Variants in MYPOP observed in about 807,000 individuals in gnomAD.
MYPOP encodes Myb related transcription factor, partner of profilin, also known as myb-related transcription factor, partner of profilin.
In MYPOP, 21 loss-of-function variants were observed where a neutral mutation model predicts 25.7. The ratio of observed to expected loss-of-function variants is 0.82; its 90% CI spans 0.58 to 1.18. MYPOP has a LOEUF of 1.18. Ranked by LOEUF, MYPOP falls within the 50% of genes most tolerant of loss-of-function variation. The probability of loss-of-function intolerance (pLI) is 0.00; values close to 1 mark genes in which losing one functional copy is unlikely to be tolerated. For synonymous variants in MYPOP, 280 were observed against 247.9 expected (o/e 1.13, Z -1.22); for missense variants, 566 against 588.3 (o/e 0.96, Z 0.39).
Position 45,890,592 on chromosome 19 carries a change from G to C in MYPOP, c.*31C>G. The C allele has an allele frequency of 1.2e-6, 2 of 1,608,308 alleles. No homozygotes were observed. The highest frequency in any genetic ancestry group is 1.7e-6 in the Non-Finnish European group (2 of 1,176,796). Reference sequence around the variant, plus strand: ...CTCGACTGCGCCAAGCTGGGGAGAGGGGTTGCAGGCAGGATCATAGATAGT... The same window carrying C: ...CTCGACTGCGCCAAGCTGGGGAGAGCGGTTGCAGGCAGGATCATAGATAGT... On this transcript the variant is annotated 3_prime_UTR_variant, in exon 3 of 3. Coordinates refer to ENST00000322217, the MANE Select transcript of MYPOP (RefSeq NM_001012643.4).
At chr19:45,896,367 C>A (rs2146378953) in intron 2 of MYPOP, among the ~76,000 whole-genome samples, 1 of 152,268 alleles carries the variant, frequency 6.6e-6, no homozygotes, top group Non-Finnish European at 1.5e-5. Flanking sequence ...GGCCAGCCAC[C>A]AGCAGGAGGT....
At chr19:45,896,180 A>G (rs1216839728) in intron 2 of MYPOP, among the ~76,000 whole-genome samples, 1 of 152,076 alleles carries the variant, frequency 6.6e-6, no homozygotes, top group Non-Finnish European at 1.5e-5. Flanking sequence ...GATCCCAGCT[A>G]CTTGGGAGGC....
In MYPOP at chr19:45,897,626, G is replaced by A. The variant is rs528009843; in HGVS notation, c.499+3649C>T. Among the ~76,000 whole-genome samples, 3 of 152,192 alleles carry A rather than the reference G, an allele frequency of 2.0e-5. No homozygotes were observed. The East Asian group carries it at 5.8e-4, about 29-fold the overall frequency. ...GTTGGAGTGTAGTGGTGCGATCATG[G>A]CTCACTGCAACCTCCGCCTCCCAGG... is the stretch of plus-strand genomic sequence containing the variant. On this transcript the variant is annotated intron_variant, in intron 2 of 2. Transcript: ENST00000322217.
Position 45,901,266 on chromosome 19 carries a change from G to A in MYPOP, c.499+9C>T, listed in dbSNP as rs1238765605. On this transcript the variant is annotated intron_variant, in intron 2 of 2. Coordinates refer to ENST00000322217, the MANE Select transcript of MYPOP (RefSeq NM_001012643.4). This position sits in a 1 kb window ranked among gnomAD's most constrained non-coding sequence, Gnocchi z 5.7. ...GCGCAGGCACACAGCCTACTCTGAAGACACTCACCTGCACGTCGGTCCTCC... is the reference window on the plus strand; with the variant it reads ...GCGCAGGCACACAGCCTACTCTGAAAACACTCACCTGCACGTCGGTCCTCC... 2 of 1,441,314 alleles carry A rather than the reference G, an allele frequency of 1.4e-6. No homozygotes were observed. Among genetic ancestry groups the A allele is most frequent in the Non-Finnish European group, 1.8e-6 (2 of 1,097,790 alleles). 89.3% of individuals were successfully genotyped at this position (1,441,314 alleles called of 1,614,324 possible).
In MYPOP at chr19:45,890,447, G is replaced by T; in HGVS notation, c.*176C>A. On this transcript the variant is annotated 3_prime_UTR_variant, in exon 3 of 3. Transcript: ENST00000322217. ...ACTGTACCAGAGAAAGGGGTTGGGG[G>T]GGCCCATTACTGAGGCCCCCCCCAG... 9.7e-7 allele frequency: 1 copy of T among 1,025,834 alleles called. No individual in the cohort carries two copies. 63.5% of individuals were successfully genotyped at this position (1,025,834 alleles called of 1,614,324 possible). A position where few individuals can be genotyped will look rare whatever the true frequency, so the allele number is the denominator to read the frequency against.
chr19:45,900,009 C>T (rs894993651), intron 2 of MYPOP, among the ~76,000 whole-genome samples: 2 of 152,194 alleles, frequency 1.3e-5, no homozygotes, highest in Admixed American at 6.6e-5. Flanking sequence ...GGGGGTTGGA[C>T]GCACACTTAT....
chr19:45,899,188 T>C (rs1967252308), intron 2 of MYPOP, among the ~76,000 whole-genome samples: 1 of 152,162 alleles, frequency 6.6e-6, no homozygotes. Context: ...ATTGCGCCAT[T>C]TCACTCTAGC....
Position 45,890,551 on chromosome 19 carries a change from A to G in MYPOP, c.*72T>C. ...GAGCTAGGGTGCAGCTGGGATGGGCAGAGAGCATCGCCCCCCTCGACTGCG... is the reference window on the plus strand; with the variant it reads ...GAGCTAGGGTGCAGCTGGGATGGGCGGAGAGCATCGCCCCCCTCGACTGCG... On this transcript the variant is annotated 3_prime_UTR_variant, in exon 3 of 3. Coordinates refer to ENST00000322217, the MANE Select transcript of MYPOP (RefSeq NM_001012643.4). 6.4e-7 allele frequency: 1 copy of G among 1,573,470 alleles called. No homozygotes were observed. The highest frequency in any genetic ancestry group is 1.2e-5 in the South Asian group (1 of 86,000).
At chr19:45,895,528 C>T (rs1967190626) in intron 2 of MYPOP, among the ~76,000 whole-genome samples, 2 of 152,168 alleles carry the variant, frequency 1.3e-5, no homozygotes, top group Non-Finnish European at 2.9e-5. Context: ...CAGCACTTAT[C>T]TCCACCTGGC....
At chr19:45,897,717 G>C (rs889297024) in intron 2 of MYPOP, among the ~76,000 whole-genome samples, 10 of 151,480 alleles carry the variant, frequency 6.6e-5, no homozygotes, top group Non-Finnish European at 1.5e-4. Context: ...ACCATGCCTG[G>C]CTAATTTTTG....
At chr19:45,892,478 T>G (rs749064981) in intron 2 of MYPOP, among the ~76,000 whole-genome samples, 10 of 152,138 alleles carry the variant, frequency 6.6e-5, no homozygotes, top group Non-Finnish European at 1.2e-4. Context: ...GGCTCCCAGC[T>G]TCCTGGGCTC....
chr19:45,901,629 C>A lies in MYPOP; in HGVS notation c.145G>T (p.Val49Leu). ...TCCCACACGCGCCGCCGCTCTGCCA[C>A]GCTCACCCGACGGCTCTGCGCGCCG... is the stretch of plus-strand genomic sequence containing the variant. ...LYGAQSRRVS[V>L]AERRRVWDGI... The change falls in exon 2 of 3, where the codon GTG becomes TTG. Residue 49 changes from valine (V) to leucine (L), a missense_variant. Transcript: ENST00000322217. The surrounding 1 kb of genome is among the most constrained non-coding windows in gnomAD (Gnocchi z 5.7). The A allele has an allele frequency of 6.2e-7, 1 of 1,610,644 alleles. No homozygotes were observed. The highest frequency in any genetic ancestry group is 8.5e-7 in the Non-Finnish European group (1 of 1,179,280).
intron 2 of MYPOP, among the ~76,000 whole-genome samples, chr19:45,898,292 G>A (rs952056962): frequency 4.0e-5 from 6 of 151,810 alleles, no homozygotes; most frequent in Admixed American, 6.6e-5. Flanking sequence ...TTTCAGGCGT[G>A]AGCCACCATG....
chr19:45,897,459 G>A (rs763832836), intron 2 of MYPOP, among the ~76,000 whole-genome samples: 8 of 152,166 alleles, frequency 5.3e-5, no homozygotes, highest in Non-Finnish European at 8.8e-5. Context: ...TTGCAGAAAC[G>A]TGGCTTTTCC....
intron 2 of MYPOP, 91 bp from the exon 3 acceptor site, chr19:45,891,414 C>T (rs775296957): frequency 1.2e-5 from 17 of 1,379,220 alleles, no homozygotes; most frequent in Non-Finnish European, 1.5e-5. Flanking sequence ...CTCCCCCCTA[C>T]CCGAACCCAG....
At position 45,901,905 on chromosome 19, in the gene MYPOP, G is replaced by C. The variant is rs949400300; in HGVS notation, c.-52-80C>G. 1 of 717,442 alleles carries C rather than the reference G, an allele frequency of 1.4e-6. No homozygotes were observed. The highest frequency in any genetic ancestry group is 6.3e-5 in the South Asian group (1 of 15,878). 44.4% of individuals were successfully genotyped at this position (717,442 alleles called of 1,614,324 possible). A position where few individuals can be genotyped will look rare whatever the true frequency, so the allele number is the denominator to read the frequency against. ...CCTCTCCCAGACCGCCGGGCCGAGA[G>C]CTCCTTAGTCCCCGGGGGCAGGAGT... On this transcript the variant is annotated intron_variant, in intron 1 of 2. Transcript: ENST00000322217. The surrounding 1 kb of genome is among the most constrained non-coding windows in gnomAD (Gnocchi z 5.7).
chr19:45,891,824 A>G (rs981370509), intron 2 of MYPOP, among the ~76,000 whole-genome samples: 40 of 152,268 alleles, frequency 2.6e-4, no homozygotes, highest in African/African-American at 7.7e-4. Flanking sequence ...CGGAGGAGAA[A>G]AAGTCCTGCC....
At position 45,901,338 on chromosome 19, in the gene MYPOP, G is replaced by A. The variant is rs1967288216; in HGVS notation, c.436C>T (p.Pro146Ser). 1 of 1,459,230 alleles carries A rather than the reference G, an allele frequency of 6.9e-7. No homozygotes were observed. Among genetic ancestry groups the A allele is most frequent in the Non-Finnish European group, 9.0e-7 (1 of 1,106,670 alleles). 90.4% of individuals were successfully genotyped at this position (1,459,230 alleles called of 1,614,324 possible). A position where few individuals can be genotyped will look rare whatever the true frequency, so the allele number is the denominator to read the frequency against. The change falls in exon 2 of 3, where the codon CCC becomes TCC. Residue 146 changes from proline to serine, a missense_variant. Transcript: ENST00000322217. The surrounding 1 kb of genome is among the most constrained non-coding windows in gnomAD (Gnocchi z 5.7). ...PPAAPSSQPP[P>S]PSACPQRYVL... ...TAGCGCTGAGGGCAGGCGCTTGGGGGCGGCGGCTGTGAAGAGGGGGCCGCA... is the reference window on the plus strand; with the variant it reads ...TAGCGCTGAGGGCAGGCGCTTGGGGACGGCGGCTGTGAAGAGGGGGCCGCA...
At position 45,901,263 on chromosome 19, in the gene MYPOP, G is replaced by A. The variant is rs908730633; in HGVS notation, c.499+12C>T. ...ACAGCGCAGGCACACAGCCTACTCT[G>A]AAGACACTCACCTGCACGTCGGTCC... On this transcript the variant is annotated intron_variant, in intron 2 of 2. Transcript: ENST00000322217. This position sits in a 1 kb window ranked among gnomAD's most constrained non-coding sequence, Gnocchi z 5.7. 4 of 1,440,938 alleles carry A rather than the reference G, an allele frequency of 2.8e-6. No homozygotes were observed. Among genetic ancestry groups the A allele is most frequent in the African/African-American group, 1.5e-5 (1 of 67,264 alleles). 89.3% of individuals were successfully genotyped at this position (1,440,938 alleles called of 1,614,324 possible).
Sources: gnomAD v4.1 joint callset for allele counts (sites outside exome capture counted in the v4.1 genomes callset) on GRCh38, gnomAD v4.1.1 for gene constraint, Gnocchi (gnomAD v3.1) non-coding constraint, MANE v1.5 for transcripts, NCBI Gene and HGNC (gene_info 2026-07-23, HGNC 2026-07-21) for gene names.